GPC6: variants seen among roughly 807,000 people sequenced by gnomAD.
GPC6 encodes the protein glypican 6, also known as glypican-6.
Under a neutral mutation model 55.2 loss-of-function variants are expected in GPC6, and 14 were observed. That is an observed-to-expected ratio of 0.25 (90% CI 0.17 to 0.40). The LOEUF (loss-of-function observed/expected upper bound fraction) is 0.40. GPC6 is among the 10% of genes least tolerant of loss of function. The pLI is 1.00. For synonymous variants in GPC6, 278 were observed against 259.6 expected, an observed-to-expected ratio of 1.07 and a Z score of -0.68; for missense variants, 641 against 708.5, an observed-to-expected ratio of 0.90 and a Z score of 1.08.
intron 3 of GPC6, among the ~76,000 whole-genome samples, chr13:93,901,501 T>TA (rs1465806185): frequency 6.6e-6 from 1 of 152,190 alleles, no homozygotes; most frequent in Non-Finnish European, 1.5e-5. Context: ...GTATTTTTAA[T>TA]ACTGATTTTG....
At chr13:94,271,248 C>A (rs960547892) in intron 4 of GPC6, among the ~76,000 whole-genome samples, 9 of 151,856 alleles carry the variant, frequency 5.9e-5, no homozygotes, top group African/African-American at 2.2e-4. Flanking sequence ...GTCTCGACCT[C>A]CCAAAATGCT....
chr13:93,255,529 C>T (rs537418220), intron 1 of GPC6, among the ~76,000 whole-genome samples: 1 of 151,970 alleles, frequency 6.6e-6, no homozygotes, highest in Non-Finnish European at 1.5e-5. Context: ...GTTTTTTTCC[C>T]CCTACATGGA....
At chr13:93,281,234 T>C (rs1877939767) in intron 1 of GPC6, among the ~76,000 whole-genome samples, 1 of 152,174 alleles carries the variant, frequency 6.6e-6, no homozygotes. Flanking sequence ...GCTTTTTTGT[T>C]GTTGTTTTTT....
At chr13:93,799,991 A>G (rs944478219) in intron 2 of GPC6, among the ~76,000 whole-genome samples, 2 of 147,992 alleles carry the variant, frequency 1.4e-5, no homozygotes, top group African/African-American at 5.1e-5. Flanking sequence ...GACAGACATC[A>G]TCCTTCAACT....
intron 1 of GPC6, among the ~76,000 whole-genome samples, chr13:93,489,488 T>C (rs1352900680): frequency 6.6e-6 from 1 of 151,462 alleles, no homozygotes; most frequent in Non-Finnish European, 1.5e-5. Flanking sequence ...TTTAAAGTAG[T>C]TTTTTCCAAT....
chr13:94,036,357 C>T (rs531257813), intron 4 of GPC6, among the ~76,000 whole-genome samples: 2 of 151,832 alleles, frequency 1.3e-5, no homozygotes, highest in Admixed American at 6.6e-5. Context: ...TAATTTGCTA[C>T]GCTAAGAATT....
At chr13:93,759,569 C>G (rs1366087365) in intron 2 of GPC6, among the ~76,000 whole-genome samples, 2 of 152,090 alleles carry the variant, frequency 1.3e-5, no homozygotes, top group Non-Finnish European at 2.9e-5. Context: ...CATAACTCAC[C>G]TTACATCGGA....
intron 2 of GPC6, among the ~76,000 whole-genome samples, chr13:93,809,490 G>T (rs1713679609): frequency 1.3e-5 from 2 of 152,166 alleles, no homozygotes; most frequent in African/African-American, 4.8e-5. Flanking sequence ...ATTGATATCT[G>T]TAATTCATAA....
intron 4 of GPC6, among the ~76,000 whole-genome samples, chr13:94,163,624 A>G (rs1888246114): frequency 6.6e-6 from 1 of 152,194 alleles, no homozygotes. Flanking sequence ...TACATTCACA[A>G]AAGGATTAGA....
At chr13:93,663,266 C>A (rs754872770) in intron 2 of GPC6, among the ~76,000 whole-genome samples, 1 of 151,988 alleles carries the variant, frequency 6.6e-6, no homozygotes, top group East Asian at 1.9e-4. Context: ...CTCACTGGAC[C>A]TTATCATATA....
At chr13:93,676,556 A>G (rs1326145827) in intron 2 of GPC6, among the ~76,000 whole-genome samples, 1 of 152,150 alleles carries the variant, frequency 6.6e-6, no homozygotes, top group East Asian at 1.9e-4. Flanking sequence ...TGAGAACTAG[A>G]GAGTATATGT....
At chr13:93,765,667 G>C (rs1227076076) in intron 2 of GPC6, among the ~76,000 whole-genome samples, 2 of 152,146 alleles carry the variant, frequency 1.3e-5, no homozygotes, top group African/African-American at 4.8e-5. Flanking sequence ...AACATTCACA[G>C]TGGTAAATTA....
chr13:93,832,122 A>AAAATATATAT (rs1555334870), intron 3 of GPC6, among the ~76,000 whole-genome samples: 2 of 12,052 alleles, frequency 1.7e-4, no homozygotes, highest in African/African-American at 4.4e-4. Context: ...AAAAAAAAAA[A>AAAATATATAT]ATATATATAT....
At chr13:93,674,168 G>T (rs979309192) in intron 2 of GPC6, among the ~76,000 whole-genome samples, 3 of 152,080 alleles carry the variant, frequency 2.0e-5, no homozygotes, top group African/African-American at 7.2e-5. Flanking sequence ...TAGGTCATCA[G>T]GCTGCGTGTG....
intron 4 of GPC6, among the ~76,000 whole-genome samples, chr13:94,030,602 T>C (rs1320660326): frequency 2.0e-5 from 3 of 152,084 alleles, no homozygotes; most frequent in Non-Finnish European, 4.4e-5. Flanking sequence ...CCAACAAAAA[T>C]TATATATAAT....
intron 4 of GPC6, among the ~76,000 whole-genome samples, chr13:94,066,321 A>G (rs1228994552): frequency 2.0e-5 from 3 of 152,168 alleles, no homozygotes; most frequent in East Asian, 1.9e-4. Flanking sequence ...CATTGTATTT[A>G]CTAGAAAGAA....
chr13:94,229,324 AAC>A (rs1890650682), intron 4 of GPC6, among the ~76,000 whole-genome samples: 1 of 152,182 alleles, frequency 6.6e-6, no homozygotes, highest in Non-Finnish European at 1.5e-5. Context: ...CTTACTTTCC[AAC>A]ACACACACAA....
intron 1 of GPC6, among the ~76,000 whole-genome samples, chr13:93,515,134 G>A (rs1277759456): frequency 6.6e-6 from 1 of 151,990 alleles, no homozygotes; most frequent in Non-Finnish European, 1.5e-5. Flanking sequence ...TCTCACTCTC[G>A]CTTTTGTCCT....
At chr13:93,743,167 A>C (rs767308184) in intron 2 of GPC6, among the ~76,000 whole-genome samples, 1 of 152,176 alleles carries the variant, frequency 6.6e-6, no homozygotes, top group Non-Finnish European at 1.5e-5. Context: ...GGTAGAGAGG[A>C]TATCTGTGCT....
Sources: gnomAD v4.1 joint callset for allele counts (sites outside exome capture counted in the v4.1 genomes callset) on GRCh38, gnomAD v4.1.1 for gene constraint, MANE v1.5 for transcripts, NCBI Gene and HGNC (gene_info 2026-07-23, HGNC 2026-07-21) for gene names.